The following GPC6 variants were observed in gnomAD, a reference collection of about 807,000 sequenced individuals.
GPC6 encodes glypican-6.
In GPC6, 14 loss-of-function variants were observed where a neutral mutation model predicts 55.2. The observed-to-expected ratio is 0.25, with a 90% CI of 0.17 to 0.40. The LOEUF is 0.40. Ranked by LOEUF, GPC6 falls within the 10% of genes least tolerant of loss-of-function variation. The probability of loss-of-function intolerance (pLI) is 1.00; values close to 1 mark genes in which losing one functional copy is unlikely to be tolerated. For synonymous variants in GPC6, 278 were observed against 259.6 expected (o/e 1.07, Z -0.68); for missense variants, 641 against 708.5 (o/e 0.90, Z 1.08).
At chr13:93,597,885 C>A (rs1274794341) in intron 2 of GPC6, among the ~76,000 whole-genome samples, 1 of 152,060 alleles carries the variant, frequency 6.6e-6, no homozygotes, top group Admixed American at 6.6e-5. Flanking sequence ...GTGGCTCACA[C>A]CTGTAATCCA....
intron 1 of GPC6, among the ~76,000 whole-genome samples, chr13:93,531,661 C>G (rs1237119251): frequency 6.6e-6 from 1 of 152,166 alleles, no homozygotes; most frequent in Non-Finnish European, 1.5e-5. Context: ...CAGTGTCCTA[C>G]TAATTTTTCT....
chr13:93,943,047 G>A (rs1878813130), intron 3 of GPC6, among the ~76,000 whole-genome samples: 1 of 152,018 alleles, frequency 6.6e-6, no homozygotes, highest in Non-Finnish European at 1.5e-5. Context: ...ACCCCCATAA[G>A]GCTCTGCTGC....
intron 6 of GPC6, among the ~76,000 whole-genome samples, chr13:94,370,615 G>T (rs915457256): frequency 6.6e-6 from 1 of 152,122 alleles, no homozygotes; most frequent in Non-Finnish European, 1.5e-5. Context: ...TCATTAAATC[G>T]ATTTCGTTGA....
At chr13:93,224,962 A>G (rs1457880628), upstream of GPC6, among the ~76,000 whole-genome samples, 1 of 152,244 alleles carries the variant, frequency 6.6e-6, no homozygotes, top group Non-Finnish European at 1.5e-5. Context: ...TTATAAGTAT[A>G]GGGACGGTGT....
intron 1 of GPC6, among the ~76,000 whole-genome samples, chr13:93,491,522 T>G (rs893031565): frequency 9.4e-6 from 1 of 106,260 alleles, no homozygotes; most frequent in Non-Finnish European, 1.9e-5. Context: ...CTCTTTAGTT[T>G]AATTAGATCC....
At chr13:94,192,438 A>C (rs1427947236) in intron 4 of GPC6, among the ~76,000 whole-genome samples, 1 of 152,164 alleles carries the variant, frequency 6.6e-6, no homozygotes, top group Non-Finnish European at 1.5e-5. Flanking sequence ...TGGAATGCCA[A>C]GAGTATGTCT....
At chr13:94,269,403 C>T (rs1160645567) in intron 4 of GPC6, among the ~76,000 whole-genome samples, 1 of 152,144 alleles carries the variant, frequency 6.6e-6, no homozygotes, top group African/African-American at 2.4e-5. Flanking sequence ...TCTTCCTATT[C>T]GTTCTTGAAA....
chr13:93,492,401 T>C (rs1400709543), intron 1 of GPC6, among the ~76,000 whole-genome samples: 1 of 148,534 alleles, frequency 6.7e-6, no homozygotes, highest in African/African-American at 2.5e-5. Context: ...AAGTTGCTTA[T>C]CAGCTTAAGG....
chr13:94,026,329 G>A (rs1430017234), intron 3 of GPC6, among the ~76,000 whole-genome samples: 1 of 152,078 alleles, frequency 6.6e-6, no homozygotes, highest in Non-Finnish European at 1.5e-5. Context: ...GTAATTGAAA[G>A]TATCCATTTA....
At chr13:93,979,706 T>C (rs929023620) in intron 3 of GPC6, among the ~76,000 whole-genome samples, 17 of 152,114 alleles carry the variant, frequency 1.1e-4, no homozygotes, top group African/African-American at 2.9e-4. Flanking sequence ...ATCTGGCATA[T>C]AGCAGTAGGG....
chr13:93,733,264 A>C (rs939191241), intron 2 of GPC6, among the ~76,000 whole-genome samples: 1 of 152,250 alleles, frequency 6.6e-6, no homozygotes, highest in Admixed American at 6.5e-5. Context: ...AAAACCATTA[A>C]TAAGTAATAC....
intron 2 of GPC6, among the ~76,000 whole-genome samples, chr13:93,673,998 A>G (rs1881477276): frequency 6.6e-6 from 1 of 151,920 alleles, no homozygotes; most frequent in Non-Finnish European, 1.5e-5. Context: ...AGGAGGGAGG[A>G]TACAAAAAGA....
chr13:93,634,945 A>G (rs1879630767), intron 2 of GPC6, among the ~76,000 whole-genome samples: 1 of 152,208 alleles, frequency 6.6e-6, no homozygotes, highest in East Asian at 1.9e-4. Context: ...AAACCTATGT[A>G]GAGTTTGAAC....
chr13:94,334,981 T>C (rs1877607190), intron 6 of GPC6, among the ~76,000 whole-genome samples: 1 of 152,222 alleles, frequency 6.6e-6, no homozygotes, highest in Admixed American at 6.5e-5. Flanking sequence ...ATGCAACTAT[T>C]TATTGTGATT....
intron 4 of GPC6, among the ~76,000 whole-genome samples, chr13:94,175,282 A>G (rs761905479): frequency 4.6e-5 from 7 of 152,132 alleles, no homozygotes; most frequent in South Asian, 2.1e-4. Context: ...CTCTGTTGCA[A>G]CTACACAATT....
At chr13:93,770,498 C>T (rs1282516707) in intron 2 of GPC6, among the ~76,000 whole-genome samples, 4 of 152,138 alleles carry the variant, frequency 2.6e-5, no homozygotes, top group Non-Finnish European at 5.9e-5. Context: ...GTTATATCAT[C>T]TTCTTCCAAG....
chr13:93,484,021 G>A (rs765553959), intron 1 of GPC6, among the ~76,000 whole-genome samples: 37 of 152,124 alleles, frequency 2.4e-4, no homozygotes, highest in Non-Finnish European at 4.9e-4. Context: ...GACTCTTAGA[G>A]CAAATTGGTT....
At chr13:93,525,900 C>G (rs7993697) in intron 1 of GPC6, among the ~76,000 whole-genome samples, 8,694 of 152,158 alleles carry the variant, frequency 0.057, 814 homozygotes, top group African/African-American at 0.2. Context: ...ACAACCTACT[C>G]ACACAAGACC....
intron 1 of GPC6, among the ~76,000 whole-genome samples, chr13:93,290,924 G>A (rs1878299649): frequency 6.6e-6 from 1 of 152,164 alleles, no homozygotes; most frequent in African/African-American, 2.4e-5. Flanking sequence ...ATTATGGTTA[G>A]AGCCTGGTTA....
Sources: gnomAD v4.1 joint callset for allele counts (sites outside exome capture counted in the v4.1 genomes callset) on GRCh38, gnomAD v4.1.1 for gene constraint, MANE v1.5 for transcripts, NCBI Gene and HGNC (gene_info 2026-07-23, HGNC 2026-07-21) for gene names.